Variants in LAIR2 observed in about 807,000 individuals in gnomAD.
LAIR2 encodes the protein leukocyte-associated immunoglobulin-like receptor 2.
In LAIR2, 14 loss-of-function variants were observed where a neutral mutation model predicts 14.8. The observed-to-expected ratio is 0.95, with a 90% CI of 0.62 to 1.48. The LOEUF is 1.48. LAIR2 is among the 40% of genes most tolerant of loss of function. The pLI is 0.00. For missense variants in LAIR2, 172 were observed against 180.9 expected, an observed-to-expected ratio of 0.95 and a Z score of 0.28; for synonymous variants, 75 against 74.5, an observed-to-expected ratio of 1.01 and a Z score of -0.03.
At chr19:54,505,738 C>T (rs545781940) in intron 2 of LAIR2, among the ~76,000 whole-genome samples, 54 of 152,252 alleles carry the variant, frequency 3.5e-4, no homozygotes, top group African/African-American at 1.3e-3. Flanking sequence ...CTGGGGCTCA[C>T]TCATCTCTAC....
intron 2 of LAIR2, among the ~76,000 whole-genome samples, chr19:54,507,481 T>C (rs1193734147): frequency 6.6e-6 from 1 of 152,134 alleles, no homozygotes; most frequent in Admixed American, 6.6e-5. Context: ...GCACGAGCCA[T>C]CTCCAGAGCC....
At chr19:54,504,899 T>C (rs1168422653) in intron 2 of LAIR2, among the ~76,000 whole-genome samples, 2 of 152,192 alleles carry the variant, frequency 1.3e-5, no homozygotes, top group Admixed American at 6.6e-5. Flanking sequence ...TATGAGCCAC[T>C]GCACCCGGCC....
Position 54,503,116 on chromosome 19 carries a change from C to A in LAIR2, c.34+164C>A, listed in dbSNP as rs545381560. Among the ~76,000 whole-genome samples, 18 of 152,268 alleles carry A rather than the reference C, an allele frequency of 1.2e-4. No homozygotes were observed. The Middle Eastern group carries it at 0.01, about 86-fold the overall frequency. ...CCTGGGGCCTAAGTCTGATCAGAGA[C>A]AACCTTGTCCTAAAAACAGGGGCCC... On this transcript the variant is annotated intron_variant, in intron 1 of 4. Transcript: ENST00000301202.
chr19:54,510,414 GT>G (rs1382829269), intron 4 of LAIR2, 111 bp from the exon 5 acceptor site: 1 of 807,632 alleles, frequency 1.2e-6, no homozygotes, highest in African/African-American at 1.7e-5. Context: ...TGGTAGAATC[GT>G]TTAGGGCAGA....
intron 2 of LAIR2, among the ~76,000 whole-genome samples, chr19:54,504,612 T>C (rs1461518484): frequency 6.6e-6 from 1 of 151,972 alleles, no homozygotes; most frequent in Non-Finnish European, 1.5e-5. Flanking sequence ...ACCTTTTTTG[T>C]TTGTTTGTTT....
chr19:54,507,782 A>C (rs1285772933), intron 2 of LAIR2, 109 bp from the exon 3 acceptor site: 2 of 1,091,290 alleles, frequency 1.8e-6, no homozygotes. Flanking sequence ...TCGTGGCTGC[A>C]TAACTCTATA....
rs2085298886 is a variant in LAIR2 at position 54,502,882 on chromosome 19, C to T, written c.-37C>T. On this transcript the variant is annotated 5_prime_UTR_variant, in exon 1 of 5. Transcript: ENST00000301202. The stretch of plus-strand genomic sequence containing the variant: ...GAGGCCCCCGGCCAGCACATCCTGT[C>T]TGCTTGTGTCTGCTGCAGAGTTCTG... 1.9e-6 allele frequency: 3 copies of T among 1,613,994 alleles called. No homozygotes were observed. The highest frequency in any genetic ancestry group is 2.5e-6 in the Non-Finnish European group (3 of 1,179,852).
chr19:54,508,023 A>G lies in LAIR2; in HGVS notation c.203A>G (p.Tyr68Cys). Residue 68 changes from tyrosine (Y) to cysteine (C), a missense_variant, in exon 3 of 5, where the codon TAC becomes TGC. By Grantham distance (194) the Tyr-to-Cys change is radical. This residue lies in a region of LAIR2 where 161 missense variants were observed against 149.0 expected (regional missense o/e 1.08). Coordinates refer to ENST00000301202, the MANE Select transcript of LAIR2 (RefSeq NM_002288.6). ...CTGGAGAGGGAGGATAGAGCCAAGT[A>G]CAAAGATAGTTATAATGTGTTTCGA... ...FRLEREDRAK[Y>C]KDSYNVFRLG... 3 of 1,614,190 alleles carry G rather than the reference A, an allele frequency of 1.9e-6. No homozygotes were observed. Among genetic ancestry groups the G allele is most frequent in the Non-Finnish European group, 1.7e-6 (2 of 1,180,026 alleles).
At chr19:54,504,525 A>G (rs1029047752) in intron 2 of LAIR2, among the ~76,000 whole-genome samples, 13 of 152,234 alleles carry the variant, frequency 8.5e-5, no homozygotes, top group Middle Eastern at 3.4e-3. Context: ...ACTTTGTACC[A>G]TTTGATCAGT....
intron 2 of LAIR2, 64 bp from the exon 3 acceptor site, chr19:54,507,827 T>C: frequency 1.4e-6 from 2 of 1,460,576 alleles, no homozygotes; most frequent in South Asian, 2.5e-5. Context: ...GATCCTAAAA[T>C]GACGTGTGTG....
At chr19:54,507,279 G>A (rs1441444700) in intron 2 of LAIR2, among the ~76,000 whole-genome samples, 1 of 150,342 alleles carries the variant, frequency 6.7e-6, no homozygotes, top group African/African-American at 2.4e-5. Context: ...AAACTATAGA[G>A]GAAAACCCAG....
intron 3 of LAIR2, among the ~76,000 whole-genome samples, 164 bp downstream of exon 3, chr19:54,508,348 C>T (rs1382384893): frequency 1.3e-5 from 2 of 152,178 alleles, no homozygotes; most frequent in Admixed American, 1.3e-4. Context: ...CACACCTCCC[C>T]TCTGCCCTCA....
intron 1 of LAIR2, 83 bp downstream of exon 1, chr19:54,503,035 A>G: frequency 7.4e-7 from 1 of 1,344,644 alleles, no homozygotes; most frequent in Non-Finnish European, 1.0e-6. Context: ...ACTCTAGTCC[A>G]GAAGATTCTG....
At position 54,510,674 on chromosome 19, in the gene LAIR2, G is replaced by T; in HGVS notation, c.*105G>T. 3 of 1,343,970 alleles carry T rather than the reference G, an allele frequency of 2.2e-6. No homozygotes were observed. The highest frequency in any genetic ancestry group is 3.2e-6 in the Non-Finnish European group (3 of 942,020). The allele number at this position is 1,343,970 out of a possible 1,614,324, so 83.3% of individuals were successfully genotyped here. On this transcript the variant is annotated 3_prime_UTR_variant, in exon 5 of 5. Transcript: ENST00000301202. ...CTATACATACATATACAAATAAAAAGATACGATTCGCAATGGAGAATTTCA... is the reference window on the plus strand; with the variant it reads ...CTATACATACATATACAAATAAAAATATACGATTCGCAATGGAGAATTTCA...
At chr19:54,505,635 C>T (rs1284397425) in intron 2 of LAIR2, among the ~76,000 whole-genome samples, 1 of 152,048 alleles carries the variant, frequency 6.6e-6, no homozygotes, top group Non-Finnish European at 1.5e-5. Context: ...TTCTTAGAGC[C>T]CTTCCCCTGT....
Position 54,507,916 on chromosome 19 carries a change from G to T in LAIR2, c.96G>T (p.Ser32=). Residue 32 remains serine, a synonymous_variant, in exon 3 of 5, where the codon TCG becomes TCT. Transcript: ENST00000301202. ...GGGCCCTTCCCAGACCCTCCATCTC[G>T]GCTGAGCCAGGCACTGTGATCTCCC... ...QEGALPRPSI[S]AEPGTVISPG... 1 of 1,614,072 alleles carries T rather than the reference G, an allele frequency of 6.2e-7. No homozygotes were observed.
rs369858317 is a variant in LAIR2 at position 54,508,229 on chromosome 19, C to T, written c.364+45C>T. 8.3e-6 allele frequency: 13 copies of T among 1,566,586 alleles called. 1 individual carries two copies. Among genetic ancestry groups the T allele is most frequent in the South Asian group, 7.1e-5 (6 of 84,026 alleles). On this transcript the variant is annotated intron_variant, in intron 3 of 4. Transcript: ENST00000301202. The stretch of plus-strand genomic sequence containing the variant: ...CCTGCCCCAGTCTCAGCTCGACCCT[C>T]GAGCTTGTCCCGAGGTCCCTGGTCC...
Position 54,507,903 on chromosome 19 carries a change from G to C in LAIR2, c.83G>C (p.Arg28Thr). 1 of 1,613,956 alleles carries C rather than the reference G, an allele frequency of 6.2e-7. No homozygotes were observed. The highest frequency in any genetic ancestry group is 8.5e-7 in the Non-Finnish European group (1 of 1,179,888). Reference protein sequence around the residue: ...TIHTQEGALPRPSISAEPGTV... With the variant: ...TIHTQEGALPTPSISAEPGTV... ...GCTTCCCTCTTAGGGGCCCTTCCCAGACCCTCCATCTCGGCTGAGCCAGGC... is the reference window on the plus strand; with the variant it reads ...GCTTCCCTCTTAGGGGCCCTTCCCACACCCTCCATCTCGGCTGAGCCAGGC... The change falls in exon 3 of 5, where the codon AGA (arginine) becomes ACA (threonine). Residue 28 changes from arginine (R) to threonine (T), a missense_variant. This residue lies in a region of LAIR2 where 161 missense variants were observed against 149.0 expected (regional missense o/e 1.08). Transcript: ENST00000301202.
chr19:54,503,426 C>A (rs1386271487), intron 1 of LAIR2, among the ~76,000 whole-genome samples: 1 of 150,202 alleles, frequency 6.7e-6, no homozygotes, highest in African/African-American at 2.5e-5. Flanking sequence ...CCACTGCACT[C>A]TAGCGTGGGC....
Sources: allele counts gnomAD v4.1 joint callset (sites outside exome capture counted in the v4.1 genomes callset), GRCh38; gene constraint gnomAD v4.1.1; regional missense constraint gnomAD v4.1.1; transcripts MANE v1.5; gene names NCBI Gene and HGNC (gene_info 2026-07-23, HGNC 2026-07-21).